Variants in TUSC3 observed in about 807,000 individuals in gnomAD.
TUSC3 encodes dolichyl-diphosphooligosaccharide--protein glycosyltransferase subunit TUSC3.
In TUSC3, 45 loss-of-function variants were observed where a neutral mutation model predicts 44.8. That is an observed-to-expected ratio of 1.00 (90% CI 0.79 to 1.29). TUSC3 has a LOEUF of 1.29. TUSC3 is among the 50% of genes most tolerant of loss of function. The probability of loss-of-function intolerance (pLI) is 0.00; values close to 1 mark genes in which losing one functional copy is unlikely to be tolerated. For synonymous variants in TUSC3, 212 were observed against 152.9 expected, an observed-to-expected ratio of 1.39 and a Z score of -2.85; for missense variants, 519 against 437.9, an observed-to-expected ratio of 1.19 and a Z score of -1.65.
At chr8:15,537,026 T>C (rs1180594844), upstream of TUSC3, among the ~76,000 whole-genome samples, 2 of 152,184 alleles carry the variant, frequency 1.3e-5, no homozygotes, top group Admixed American at 6.6e-5. Flanking sequence ...CCACATTCTA[T>C]ACAGAATCCC....
intron 1 of TUSC3, among the ~76,000 whole-genome samples, chr8:15,563,222 T>A (rs1461324246): frequency 6.6e-6 from 1 of 152,138 alleles, no homozygotes; most frequent in Admixed American, 6.5e-5. Flanking sequence ...ACTTCATAAA[T>A]AACTTCATGT....
chr8:15,826,757 A>AG, the TUSC3 span, among the ~76,000 whole-genome samples: 4 of 147,584 alleles, frequency 2.7e-5, no homozygotes, highest in African/African-American at 1.0e-4. Flanking sequence ...CTTTATGGTG[A>AG]GGGAAAAAAA....
At chr8:15,537,384 C>G (rs1801539564), upstream of TUSC3, among the ~76,000 whole-genome samples, 1 of 152,166 alleles carries the variant, frequency 6.6e-6, no homozygotes, top group African/African-American at 2.4e-5. Context: ...TGATTGATGT[C>G]TCATGCCTCT....
chr8:15,797,632 GC>G, the TUSC3 span, among the ~76,000 whole-genome samples: 1 of 152,184 alleles, frequency 6.6e-6, no homozygotes, highest in African/African-American at 2.4e-5. Flanking sequence ...ATCCTGACCT[GC>G]TCCTTGTGGC....
At chr8:15,702,404 T>C (rs2129195830) in intron 6 of TUSC3, among the ~76,000 whole-genome samples, 1 of 152,314 alleles carries the variant, frequency 6.6e-6, no homozygotes, top group Admixed American at 6.5e-5. Flanking sequence ...GTTTCATATA[T>C]GGAGCTGAAA....
Position 15,742,176 on chromosome 8 carries a change from C to T in TUSC3, c.863-1362C>T, listed in dbSNP as rs574854070. ...CATAGAAATTTCAGTGTTTTTCAAG[C>T]TGTGTAGCATGGATCTCTAAAAGTT... is the stretch of plus-strand genomic sequence containing the variant. On this transcript the variant is annotated intron_variant, in intron 7 of 10. Transcript: ENST00000503731. Among the ~76,000 whole-genome samples the T allele has an allele frequency of 9.6e-4, 143 of 148,486 alleles. No individual in the cohort carries two copies. The Middle Eastern group carries it at 0.014, about 15-fold the overall frequency.
intron 1 of TUSC3, among the ~76,000 whole-genome samples, chr8:15,451,180 T>G (rs1302359595): frequency 6.6e-6 from 1 of 152,164 alleles, no homozygotes; most frequent in Non-Finnish European, 1.5e-5. Context: ...GACACATATA[T>G]ATGTCTTATT....
intron 1 of TUSC3, among the ~76,000 whole-genome samples, chr8:15,437,026 A>C (rs1435355076): frequency 6.6e-6 from 1 of 152,206 alleles, no homozygotes; most frequent in Non-Finnish European, 1.5e-5. Context: ...GGAAATGGGA[A>C]CAATTTTCTC....
chr8:15,607,048 C>G (rs144390170), intron 1 of TUSC3, among the ~76,000 whole-genome samples: 2 of 151,976 alleles, frequency 1.3e-5, no homozygotes, highest in South Asian at 4.2e-4. Flanking sequence ...ACAGACTACC[C>G]GCAAGTTTCA....
At chr8:15,522,013 C>T (rs545438010) in intron 2 of TUSC3, among the ~76,000 whole-genome samples, 2 of 152,322 alleles carry the variant, frequency 1.3e-5, no homozygotes, top group Admixed American at 6.5e-5. Context: ...AAATGAGAAG[C>T]ATGTTACAAT....
At chr8:15,457,108 AT>A (rs374021359) in intron 1 of TUSC3, among the ~76,000 whole-genome samples, 4,511 of 146,046 alleles carry the variant, frequency 0.031, 107 homozygotes, top group South Asian at 0.069. Context: ...ATAGGTGGGA[AT>A]TGAACAATGA....
At chr8:15,546,587 G>C (rs762233983) in intron 1 of TUSC3, among the ~76,000 whole-genome samples, 3 of 151,636 alleles carry the variant, frequency 2.0e-5, no homozygotes, top group Non-Finnish European at 4.4e-5. Context: ...CCAGGCTGGA[G>C]TGCAATGGCG....
At chr8:15,659,693 GTTTTTATGGAGCAT>G in intron 4 of TUSC3, 46 bp downstream of exon 4, 2 of 1,605,486 alleles carry the variant, frequency 1.2e-6, no homozygotes, top group East Asian at 4.5e-5. Flanking sequence ...TGGTTAGTTT[GTTTTTATGGAGCAT>G]TTTAATAAGG....
chr8:15,594,948 T>C (rs1804001567), intron 1 of TUSC3, among the ~76,000 whole-genome samples: 1 of 152,090 alleles, frequency 6.6e-6, no homozygotes, highest in Non-Finnish European at 1.5e-5. Flanking sequence ...TTCACTGCAA[T>C]TGAGGGACCC....
intron 2 of TUSC3, among the ~76,000 whole-genome samples, chr8:15,486,185 A>C (rs1414335513): frequency 2.0e-5 from 3 of 152,168 alleles, no homozygotes; most frequent in East Asian, 3.9e-4. Context: ...GTCATTGCTC[A>C]TGGTGTGTTT....
intron 1 of TUSC3, among the ~76,000 whole-genome samples, chr8:15,481,893 A>G (rs923136053): frequency 1.1e-4 from 17 of 152,182 alleles, no homozygotes; most frequent in African/African-American, 3.4e-4. Context: ...TGACACAACA[A>G]TGAAGTTTGC....
chr8:15,788,237 C>G, the TUSC3 span, among the ~76,000 whole-genome samples: 1 of 151,122 alleles, frequency 6.6e-6, no homozygotes, highest in Non-Finnish European at 1.5e-5. Context: ...TACAAGCATT[C>G]TTCCATTCTT....
intron 2 of TUSC3, among the ~76,000 whole-genome samples, chr8:15,631,873 AT>A (rs1447635239): frequency 6.6e-6 from 1 of 151,566 alleles, no homozygotes; most frequent in Non-Finnish European, 1.5e-5. Context: ...GCCTGGCTAA[AT>A]TTTTTTGTAT....
At position 15,757,923 on chromosome 8, in the gene TUSC3, A is replaced by G; in HGVS notation, c.*46+68A>G. On this transcript the variant is annotated intron_variant, in intron 10 of 10. Coordinates refer to ENST00000503731, the MANE Select transcript of TUSC3 (RefSeq NM_006765.4). The stretch of plus-strand genomic sequence containing the variant: ...TTCAAATATAGAGAGTATAACATTT[A>G]TCTCATAAGACAAGTTGTAGTAAAT... 6.1e-6 allele frequency: 9 copies of G among 1,477,384 alleles called. No homozygotes were observed. The South Asian group carries it at 8.2e-5, about 14-fold the overall frequency. 91.5% of individuals were successfully genotyped at this position (1,477,384 alleles called of 1,614,324 possible).
Sources: allele counts gnomAD v4.1 joint callset (sites outside exome capture counted in the v4.1 genomes callset), GRCh38; gene constraint gnomAD v4.1.1; transcripts MANE v1.5; gene names NCBI Gene and HGNC (gene_info 2026-07-23, HGNC 2026-07-21).